The following ACOT11 variants were observed in gnomAD, a reference collection of about 807,000 sequenced individuals.
ACOT11 encodes the protein acyl-CoA thioesterase 11, also known as acyl-coenzyme A thioesterase 11.
In ACOT11, 69 loss-of-function variants were observed where a neutral mutation model predicts 77.5. That is an observed-to-expected ratio of 0.89 (90% CI 0.73 to 1.09). The LOEUF (loss-of-function observed/expected upper bound fraction) is 1.09, where lower values mean the gene tolerates loss of function less well. Ranked by LOEUF, ACOT11 falls within the 50% of genes least tolerant of loss-of-function variation. ACOT11 has a pLI of 0.00. For missense variants in ACOT11, 766 were observed against 813.7 expected, an observed-to-expected ratio of 0.94 and a Z score of 0.71; for synonymous variants, 279 against 313.0, an observed-to-expected ratio of 0.89 and a Z score of 1.15.
chr1:54,614,966 A>AC, downstream of ACOT11: 1 of 612,928 alleles, frequency 1.6e-6, no homozygotes, highest in Non-Finnish European at 2.7e-6. Context: ...ATGTGCGTGC[A>AC]CAGTGGAGTC....
chr1:54,612,623 CCT>C (rs1427743708), downstream of ACOT11: 1 of 1,614,096 alleles, frequency 6.2e-7, no homozygotes, highest in South Asian at 1.1e-5. Flanking sequence ...GGGTGTACGT[CCT>C]GTTTGGGGAC....
At chr1:54,586,350 G>C (rs1654499778) in intron 3 of ACOT11, among the ~76,000 whole-genome samples, 1 of 152,120 alleles carries the variant, frequency 6.6e-6, no homozygotes, top group Non-Finnish European at 1.5e-5. Flanking sequence ...GTCGGAGCCA[G>C]AAGCTTGGGC....
chr1:54,585,322 C>G (rs576124062), intron 2 of ACOT11, among the ~76,000 whole-genome samples: 1 of 152,264 alleles, frequency 6.6e-6, no homozygotes, highest in East Asian at 1.9e-4. Context: ...CCCGACTGTT[C>G]CCCAGCACTG....
chr1:54,613,857 T>A (rs1644143554), downstream of ACOT11, among the ~76,000 whole-genome samples: 1 of 152,192 alleles, frequency 6.6e-6, no homozygotes, highest in Non-Finnish European at 1.5e-5. Flanking sequence ...AAGAGATGGA[T>A]GGGAAAGAGC....
chr1:54,610,232 T>C lies in ACOT11; in HGVS notation c.*1120T>C. On this transcript the variant is annotated 3_prime_UTR_variant, in exon 16 of 16. Coordinates refer to ENST00000343744, the MANE Select transcript of ACOT11 (RefSeq NM_147161.4). Reference sequence around the variant, plus strand: ...GGACTGGTCTGAAGGCCAGGAGCCCTGTGCTCTTGACATCACTGTACTCCC... The same window carrying C: ...GGACTGGTCTGAAGGCCAGGAGCCCCGTGCTCTTGACATCACTGTACTCCC... 6.9e-7 allele frequency: 1 copy of C among 1,441,838 alleles called. No individual in the cohort carries two copies. The highest frequency in any genetic ancestry group is 9.1e-7 in the Non-Finnish European group (1 of 1,103,596). 89.3% of individuals were successfully genotyped at this position (1,441,838 alleles called of 1,614,324 possible). A position where few individuals can be genotyped will look rare whatever the true frequency, so the allele number is the denominator to read the frequency against.
At chr1:54,594,946 C>T (rs1463945801) in intron 6 of ACOT11, among the ~76,000 whole-genome samples, 8 of 152,192 alleles carry the variant, frequency 5.3e-5, no homozygotes, top group Admixed American at 2.6e-4. Flanking sequence ...GGCCACAAAA[C>T]GCATTTGGGT....
intron 15 of ACOT11, among the ~76,000 whole-genome samples, 154 bp from the exon 16 acceptor site, chr1:54,608,802 TA>T (rs1170959914): frequency 1.3e-5 from 2 of 152,064 alleles, no homozygotes; most frequent in Non-Finnish European, 2.9e-5. Flanking sequence ...GGCAACTGTG[TA>T]ATCTAAGACC....
chr1:54,564,306 C>T (rs1307763348), intron 1 of ACOT11, among the ~76,000 whole-genome samples: 8 of 152,198 alleles, frequency 5.3e-5, no homozygotes, highest in Admixed American at 1.3e-4. Context: ...AGCTTTACGT[C>T]GTCTGTTATT....
exon 17 of ACOT11, chr1:54,636,232 G>T (rs1331099217): frequency 2.0e-5 from 3 of 152,024 alleles, no homozygotes; most frequent in African/African-American, 4.8e-5. Flanking sequence ...TGGGCCCAGG[G>T]GACCAGCATT....
At chr1:54,620,094 TC>T in intron 15 of ACOT11, 1 of 1,401,736 alleles carries the variant, frequency 7.1e-7, no homozygotes, top group Non-Finnish European at 9.8e-7. Flanking sequence ...CTCCCTGGGC[TC>T]CCACTGTGTC....
In ACOT11 at chr1:54,615,992, C is replaced by T. The variant is rs201399565; in HGVS notation, c.1629+7924C>T. 355 of 1,610,706 alleles carry T rather than the reference C, an allele frequency of 2.2e-4. 2 individuals are homozygous for T. The East Asian group carries it at 3.2e-3, about 14-fold the overall frequency. On this transcript the variant is annotated intron_variant, in intron 15 of 16. Transcript: ENST00000371316. ...GCCCCAGGGCCAGAGGGCTGGGGGCCGGAGAGGGTTTCCAGAGAGGCCCTT... is the reference window on the plus strand; with the variant it reads ...GCCCCAGGGCCAGAGGGCTGGGGGCTGGAGAGGGTTTCCAGAGAGGCCCTT...
intron 1 of ACOT11, among the ~76,000 whole-genome samples, chr1:54,576,301 T>G (rs915259405): frequency 1.1e-4 from 17 of 151,760 alleles, no homozygotes; most frequent in Non-Finnish European, 1.9e-4. Context: ...GAGGCTGAGG[T>G]GGGCAGATGG....
Position 54,602,663 on chromosome 1 carries a change from C to T in ACOT11, c.1030-6C>T. ...AGCTGGTTGCCTATCCCGACTTCCT[C>T]CCCAGGATGGTGAGCGGCGGTACCG... On this transcript the variant is annotated splice_region_variant and splice_polypyrimidine_tract_variant and intron_variant, in intron 9 of 15. Coordinates refer to ENST00000343744, the MANE Select transcript of ACOT11 (RefSeq NM_147161.4). 6.5e-7 allele frequency: 1 copy of T among 1,538,388 alleles called. No homozygotes were observed. The highest frequency in any genetic ancestry group is 8.7e-7 in the Non-Finnish European group (1 of 1,143,804).
rs914109961 is a variant in ACOT11, at chr1:54,583,278, A to G, written c.34-1377A>G. On this transcript the variant is annotated intron_variant, in intron 1 of 15. Coordinates refer to ENST00000343744, the MANE Select transcript of ACOT11 (RefSeq NM_147161.4). ...ATAAGCCGTGTTTCTGGGAACCCAT[A>G]AGCCGTTCTGGGTCAGACAGGCCTG... 6.6e-5 allele frequency among the ~76,000 whole-genome samples: 10 copies of G among 152,158 alleles called. No individual in the cohort carries two copies. In the Middle Eastern group the frequency reaches 0.01, roughly 155 times the overall value.
At chr1:54,603,588 G>A (rs1275472397) in intron 10 of ACOT11, among the ~76,000 whole-genome samples, 1 of 152,172 alleles carries the variant, frequency 6.6e-6, no homozygotes, top group African/African-American at 2.4e-5. Context: ...GCACCAGGGT[G>A]AGGTCACTCA....
intron 6 of ACOT11, among the ~76,000 whole-genome samples, chr1:54,596,094 G>A (rs1224228424): frequency 6.6e-6 from 1 of 152,238 alleles, no homozygotes; most frequent in Admixed American, 6.5e-5. Flanking sequence ...CTAAGAATCA[G>A]CTCAAGTGCC....
intron 3 of ACOT11, among the ~76,000 whole-genome samples, chr1:54,590,842 C>T (rs138515331): frequency 6.6e-5 from 10 of 152,300 alleles, no homozygotes; most frequent in Admixed American, 3.3e-4. Context: ...GCAACCTCCG[C>T]CTCCTGGGTT....
At chr1:54,574,711 A>G (rs533326317) in intron 1 of ACOT11, among the ~76,000 whole-genome samples, 9 of 152,208 alleles carry the variant, frequency 5.9e-5, no homozygotes, top group Admixed American at 2.6e-4. Context: ...TGGGGCCGGG[A>G]TTCAAATGCA....
intron 1 of ACOT11, chr1:54,582,522 G>T (rs1381631003): frequency 1.0e-6 from 1 of 985,290 alleles, no homozygotes; most frequent in African/African-American, 1.7e-5. Context: ...CCGTGGCATA[G>T]GGTCCAACAG....
Sources: allele counts gnomAD v4.1 joint callset (sites outside exome capture counted in the v4.1 genomes callset), GRCh38; gene constraint gnomAD v4.1.1; transcripts MANE v1.5; gene names NCBI Gene and HGNC (gene_info 2026-07-23, HGNC 2026-07-21).